EXOC4: variants seen among roughly 807,000 people sequenced by gnomAD.
The protein encoded by EXOC4 is SEC8-like 1.
A neutral mutation model predicts 107.2 loss-of-function variants in EXOC4; 71 were observed. That is an observed-to-expected ratio of 0.66 (90% CI 0.55 to 0.81). The LOEUF (loss-of-function observed/expected upper bound fraction) is 0.81, where lower values mean the gene tolerates loss of function less well. Ranked by LOEUF, EXOC4 falls within the 30% of genes least tolerant of loss-of-function variation. The probability of loss-of-function intolerance (pLI) is 0.00; values close to 1 mark genes in which losing one functional copy is unlikely to be tolerated. For synonymous variants in EXOC4, 456 were observed against 441.2 expected (o/e 1.03, Z -0.42); for missense variants, 1,108 against 1,189.6 (o/e 0.93, Z 1.01).
At chr7:133,920,092 G>A (rs1799904564) in intron 13 of EXOC4, among the ~76,000 whole-genome samples, 1 of 152,182 alleles carries the variant, frequency 6.6e-6, no homozygotes, top group Non-Finnish European at 1.5e-5. Context: ...TTATGAATGT[G>A]TAGAGATATC....
chr7:133,462,819 A>G (rs1241291391), intron 7 of EXOC4, among the ~76,000 whole-genome samples: 1 of 152,190 alleles, frequency 6.6e-6, no homozygotes, highest in Non-Finnish European at 1.5e-5. Context: ...AAGAAACAGG[A>G]AATAAAACTT....
chr7:133,302,371 A>T (rs1321688850), intron 3 of EXOC4, among the ~76,000 whole-genome samples: 11 of 152,170 alleles, frequency 7.2e-5, no homozygotes, highest in Non-Finnish European at 1.6e-4. Context: ...TTAGATGGTA[A>T]TAGGTGTTCG....
chr7:133,556,343 A>G (rs1584995808), intron 9 of EXOC4, among the ~76,000 whole-genome samples: 1 of 152,308 alleles, frequency 6.6e-6, no homozygotes, highest in South Asian at 2.1e-4. Context: ...GAATTTCCAT[A>G]CATATCTAGA....
At chr7:133,314,266 G>A (rs77484877) in intron 4 of EXOC4, among the ~76,000 whole-genome samples, 4,538 of 152,270 alleles carry the variant, frequency 0.03, 107 homozygotes, top group Non-Finnish European at 0.044. Flanking sequence ...TAGTCACAAA[G>A]TGAGTGGGTG....
chr7:133,598,909 A>C (rs1255769138), intron 9 of EXOC4, among the ~76,000 whole-genome samples: 4 of 152,076 alleles, frequency 2.6e-5, no homozygotes, highest in African/African-American at 9.7e-5. Context: ...GCTTGAACCC[A>C]CTAGGCACAG....
chr7:133,387,735 A>T (rs1277289954), intron 7 of EXOC4, among the ~76,000 whole-genome samples: 1 of 152,140 alleles, frequency 6.6e-6, no homozygotes, highest in Admixed American at 6.6e-5. Context: ...AATTATTTTA[A>T]TCTTGCTGGG....
chr7:133,390,797 A>G (rs1796835461), intron 7 of EXOC4, among the ~76,000 whole-genome samples: 3 of 152,216 alleles, frequency 2.0e-5, no homozygotes. Context: ...AAAATGTGCT[A>G]TTCAGAAATA....
At chr7:133,928,124 AT>A (rs1355042279) in intron 13 of EXOC4, among the ~76,000 whole-genome samples, 6 of 152,068 alleles carry the variant, frequency 3.9e-5, no homozygotes, top group African/African-American at 1.4e-4. Flanking sequence ...TAATTATTTA[AT>A]TTTTTTCCAT....
intron 17 of EXOC4, among the ~76,000 whole-genome samples, chr7:134,031,921 A>C (rs977058074): frequency 5.9e-5 from 9 of 152,208 alleles, no homozygotes; most frequent in Admixed American, 3.3e-4. Context: ...TCCTGGTTTA[A>C]AATACTAAAT....
At chr7:133,414,118 A>G (rs1247543732) in intron 7 of EXOC4, among the ~76,000 whole-genome samples, 2 of 152,210 alleles carry the variant, frequency 1.3e-5, no homozygotes, top group African/African-American at 2.4e-5. Context: ...GAAAGAAGTC[A>G]TACAATTCAA....
At chr7:133,889,476 G>T (rs1055824595) in intron 11 of EXOC4, among the ~76,000 whole-genome samples, 4 of 147,096 alleles carry the variant, frequency 2.7e-5, no homozygotes, top group Admixed American at 6.8e-5. Context: ...CATTGTGCAG[G>T]TTAGTTACAT....
In EXOC4 at chr7:133,418,619, G is replaced by A. The variant is rs137952024; in HGVS notation, c.1182+43617G>A. Among the ~76,000 whole-genome samples the A allele has an allele frequency of 5.9e-3, 902 of 152,210 alleles. 2 individuals are homozygous for A. The highest frequency in any genetic ancestry group is 9.6e-3 in the Non-Finnish European group (653 of 67,988). ...TGATAACAGGAGCTCTAGTTAAAAC[G>A]TTTCTAAATATACACGACCCACCTC... On this transcript the variant is annotated intron_variant, in intron 7 of 17. Coordinates refer to ENST00000253861, the MANE Select transcript of EXOC4 (RefSeq NM_021807.4).
rs181156539 is a variant in EXOC4 at position 133,490,878 on chromosome 7, G to A, written c.1417+10740G>A. 7.2e-5 allele frequency among the ~76,000 whole-genome samples: 11 copies of A among 152,190 alleles called. No homozygotes were observed. In the South Asian group the frequency reaches 2.3e-3, roughly 32 times the overall value. On this transcript the variant is annotated intron_variant, in intron 9 of 17. Transcript: ENST00000253861. The stretch of plus-strand genomic sequence containing the variant: ...AGCTTTATTATTAAAAATTCTATAG[G>A]AAAAAATAACTTTGTTTTAAATGCA...
At chr7:133,432,345 T>A (rs1486007209) in intron 7 of EXOC4, among the ~76,000 whole-genome samples, 3 of 152,126 alleles carry the variant, frequency 2.0e-5, no homozygotes, top group African/African-American at 7.2e-5. Context: ...ATGTGGATGA[T>A]AATAATAAAT....
At chr7:133,970,575 A>G (rs1801183467) in intron 14 of EXOC4, among the ~76,000 whole-genome samples, 1 of 151,918 alleles carries the variant, frequency 6.6e-6, no homozygotes, top group African/African-American at 2.4e-5. Flanking sequence ...ACAGTCCCTC[A>G]CGGCTTCCCT....
intron 17 of EXOC4, among the ~76,000 whole-genome samples, chr7:134,020,616 C>T (rs1409816951): frequency 1.3e-5 from 2 of 152,202 alleles, no homozygotes; most frequent in Non-Finnish European, 2.9e-5. Flanking sequence ...GCATTTCATT[C>T]ACCTAGTAGT....
chr7:133,289,192 G>A lies in EXOC4; in HGVS notation c.471+76G>A. 3.1e-6 allele frequency: 4 copies of A among 1,287,192 alleles called. No individual in the cohort carries two copies. In the South Asian group the frequency reaches 4.2e-5, roughly 14 times the overall value. 79.7% of individuals were successfully genotyped at this position (1,287,192 alleles called of 1,614,324 possible). On this transcript the variant is annotated intron_variant, in intron 3 of 17. Transcript: ENST00000253861. Reference sequence around the variant, plus strand: ...CTCTCTTTTATTCTCTCTGAATCCTGTAATGCATGTAGCACATTACAAACT... The same window carrying A: ...CTCTCTTTTATTCTCTCTGAATCCTATAATGCATGTAGCACATTACAAACT...
chr7:133,985,697 A>G (rs940016435), intron 14 of EXOC4, among the ~76,000 whole-genome samples: 1 of 152,184 alleles, frequency 6.6e-6, no homozygotes. Flanking sequence ...TTACTTTCCA[A>G]ATAAAATACT....
chr7:133,288,755 A>G (rs899547474), intron 2 of EXOC4, among the ~76,000 whole-genome samples, 167 bp from the exon 3 acceptor site: 5 of 152,176 alleles, frequency 3.3e-5, no homozygotes, highest in Non-Finnish European at 5.9e-5. Flanking sequence ...AAGTGAGTCT[A>G]TGTCAGAACC....
Sources: allele counts gnomAD v4.1 joint callset (sites outside exome capture counted in the v4.1 genomes callset), GRCh38; gene constraint gnomAD v4.1.1; transcripts MANE v1.5; gene names NCBI Gene and HGNC (gene_info 2026-07-23, HGNC 2026-07-21).